Variants in FNDC3A observed in about 807,000 individuals in gnomAD.
The protein encoded by FNDC3A is fibronectin type-III domain-containing protein 3A.
In FNDC3A, 32 loss-of-function variants were observed where a neutral mutation model predicts 148.9. The ratio of observed to expected loss-of-function variants is 0.21; its 90% CI spans 0.16 to 0.29. The LOEUF (loss-of-function observed/expected upper bound fraction) is 0.29, where lower values mean the gene tolerates loss of function less well. Ranked by LOEUF, FNDC3A falls within the 10% of genes least tolerant of loss-of-function variation. The probability of loss-of-function intolerance (pLI) is 1.00; values close to 1 mark genes in which losing one functional copy is unlikely to be tolerated. For missense variants in FNDC3A, 1,191 were observed against 1,452.8 expected, an observed-to-expected ratio of 0.82 and a Z score of 2.93; for synonymous variants, 472 against 473.6, an observed-to-expected ratio of 1.00 and a Z score of 0.04.
chr13:48,991,283 A>T (rs2137566773), intron 1 of FNDC3A, among the ~76,000 whole-genome samples: 1 of 152,378 alleles, frequency 6.6e-6, no homozygotes, highest in East Asian at 1.9e-4. Flanking sequence ...CAGTAAGTTA[A>T]ACCAGAAGTT....
At chr13:49,191,450 C>T (rs1432548666) in intron 19 of FNDC3A, 66 bp downstream of exon 19, 1 of 1,306,660 alleles carries the variant, frequency 7.7e-7, no homozygotes, top group Admixed American at 2.6e-5. Flanking sequence ...TAACATATAT[C>T]ATCATATCCA....
intron 23 of FNDC3A, among the ~76,000 whole-genome samples, chr13:49,199,563 C>A (rs191035624): frequency 6.6e-6 from 1 of 151,928 alleles, no homozygotes; most frequent in Admixed American, 6.6e-5. Flanking sequence ...CCTGACCTCC[C>A]GATCCACCTG....
chr13:49,080,935 T>A (rs913920638), intron 3 of FNDC3A, among the ~76,000 whole-genome samples: 1 of 152,194 alleles, frequency 6.6e-6, no homozygotes, highest in Non-Finnish European at 1.5e-5. Context: ...CATACAGAAA[T>A]AATTGAAGGC....
In FNDC3A at chr13:49,207,721, G is replaced by C. The variant is rs1886719895; in HGVS notation, c.*326G>C. ...AATGGATATTTTGACGAATCGGCAT[G>C]AGTGTAACAGTGATAACCTGATCTG... On this transcript the variant is annotated 3_prime_UTR_variant, in exon 26 of 26. Transcript: ENST00000492622. 2 of 225,330 alleles carry C rather than the reference G, an allele frequency of 8.9e-6. No individual in the cohort carries two copies. The highest frequency in any genetic ancestry group is 2.3e-5 in the African/African-American group (1 of 43,052). The allele number at this position is 225,330 out of a possible 1,614,324, so 14.0% of individuals were successfully genotyped here. A position where few individuals can be genotyped will look rare whatever the true frequency, so the allele number is the denominator to read the frequency against.
intron 2 of FNDC3A, among the ~76,000 whole-genome samples, chr13:49,041,348 T>C (rs1874913037): frequency 6.6e-6 from 1 of 152,216 alleles, no homozygotes; most frequent in Non-Finnish European, 1.5e-5. Context: ...TGCCATACCA[T>C]GAAGGCGGTT....
chr13:49,000,673 A>AT (rs1339210855), intron 1 of FNDC3A, among the ~76,000 whole-genome samples: 1 of 152,202 alleles, frequency 6.6e-6, no homozygotes, highest in Non-Finnish European at 1.5e-5. Flanking sequence ...TAGTATGGAC[A>AT]TTTTAACAAT....
At chr13:49,045,641 C>T in intron 2 of FNDC3A, 1 of 816,272 alleles carries the variant, frequency 1.2e-6, no homozygotes, top group Non-Finnish European at 1.9e-6. Flanking sequence ...GGATGCTCTT[C>T]TACAATACAT....
chr13:49,206,506 T>C (rs549412384), intron 25 of FNDC3A, among the ~76,000 whole-genome samples: 42 of 152,296 alleles, frequency 2.8e-4, no homozygotes, highest in African/African-American at 1.0e-3. Context: ...TCCGTGGAAT[T>C]TCATTCTTTT....
At chr13:49,049,475 A>T (rs756729549) in intron 2 of FNDC3A, among the ~76,000 whole-genome samples, 1 of 151,066 alleles carries the variant, frequency 6.6e-6, no homozygotes, top group Admixed American at 6.6e-5. Context: ...TTCATTACCA[A>T]TTCAGCCTCT....
intron 2 of FNDC3A, among the ~76,000 whole-genome samples, chr13:49,070,847 A>G (rs146742577): frequency 9.6e-4 from 131 of 136,842 alleles, no homozygotes; most frequent in African/African-American, 3.4e-3. Flanking sequence ...AACGACCTCA[A>G]TTTCCATCCA....
At chr13:49,093,616 C>T (rs1052458537) in intron 3 of FNDC3A, among the ~76,000 whole-genome samples, 2 of 152,182 alleles carry the variant, frequency 1.3e-5, no homozygotes, top group African/African-American at 4.8e-5. Flanking sequence ...GGCAGTCTGG[C>T]TGCAGAGTGC....
At chr13:49,202,018 G>A in intron 24 of FNDC3A, 52 bp downstream of exon 24, 1 of 1,163,144 alleles carries the variant, frequency 8.6e-7, no homozygotes, top group African/African-American at 1.6e-5. Context: ...ACTTTTTAAT[G>A]TATTTTCATA....
intron 3 of FNDC3A, among the ~76,000 whole-genome samples, chr13:49,090,886 C>T (rs190838494): frequency 1.3e-5 from 2 of 152,134 alleles, no homozygotes; most frequent in Admixed American, 6.5e-5. Context: ...CCCAGCTACT[C>T]GGAAGGCTGA....
chr13:48,997,889 GGT>G (rs1357420134), intron 1 of FNDC3A, among the ~76,000 whole-genome samples: 1 of 150,822 alleles, frequency 6.6e-6, no homozygotes, highest in Non-Finnish European at 1.5e-5. Flanking sequence ...AAAGTTTTGA[GGT>G]GTGTGCATTA....
chr13:49,179,543 G>A (rs750463986), intron 14 of FNDC3A, among the ~76,000 whole-genome samples: 5 of 152,130 alleles, frequency 3.3e-5, no homozygotes, highest in Non-Finnish European at 4.4e-5. Flanking sequence ...GATTGATGGT[G>A]CCAAGTGGTG....
Position 49,048,888 on chromosome 13 carries a change from C to T in FNDC3A, c.100-26401C>T, listed in dbSNP as rs114425053. On this transcript the variant is annotated intron_variant, in intron 2 of 25. Transcript: ENST00000492622. ...GTGGTAAAAGTGGGTGTTCTTGTCT[C>T]GTTCCAGTTCTCAGGGGGAATGCTT... is the stretch of plus-strand genomic sequence containing the variant. Among the ~76,000 whole-genome samples, 158 of 152,228 alleles carry T rather than the reference C, an allele frequency of 1.0e-3. 1 individual carries two copies. Among genetic ancestry groups the T allele is most frequent in the African/African-American group, 3.4e-3 (142 of 41,540 alleles).
chr13:49,047,488 T>G (rs2137703050), intron 2 of FNDC3A, among the ~76,000 whole-genome samples: 1 of 152,324 alleles, frequency 6.6e-6, no homozygotes, highest in Middle Eastern at 3.4e-3. Flanking sequence ...TTATGGCCAT[T>G]CTTGCTGGAG....
At chr13:49,189,655 G>A (rs1885781229) in intron 17 of FNDC3A, among the ~76,000 whole-genome samples, 1 of 151,960 alleles carries the variant, frequency 6.6e-6, no homozygotes, top group East Asian at 1.9e-4. Flanking sequence ...TGTGAGTCCT[G>A]CCCAACTGGC....
At chr13:49,189,284 A>G (rs1356029411) in intron 17 of FNDC3A, among the ~76,000 whole-genome samples, 1 of 151,946 alleles carries the variant, frequency 6.6e-6, no homozygotes, top group Non-Finnish European at 1.5e-5. Flanking sequence ...CCTGGGTTCA[A>G]GAATTCTCCT....
Sources: allele counts gnomAD v4.1 joint callset (sites outside exome capture counted in the v4.1 genomes callset), GRCh38; gene constraint gnomAD v4.1.1; transcripts MANE v1.5; gene names NCBI Gene and HGNC (gene_info 2026-07-23, HGNC 2026-07-21).